ARID4B: variants seen among roughly 807,000 people sequenced by gnomAD.
ARID4B encodes the protein AT-rich interaction domain 4B, also known as AT-rich interactive domain-containing protein 4B.
ARID4B carries 26 observed loss-of-function variants against 147.5 expected under a neutral mutation model. The observed-to-expected ratio is 0.18, with a 90% confidence interval of 0.13 to 0.24. ARID4B has a LOEUF of 0.24. Among genes scored for constraint, ARID4B ranks in the 10% least tolerant of loss-of-function variants. The pLI is 1.00. For missense variants in ARID4B, 1,179 were observed against 1,511.5 expected, an observed-to-expected ratio of 0.78 and a Z score of 3.65; for synonymous variants, 512 against 507.9, an observed-to-expected ratio of 1.01 and a Z score of -0.11.
rs1185596744 is a variant in ARID4B, at chr1:235,236,831, AAAAT to A, written c.586-2343_586-2340del. On this transcript the variant is annotated intron_variant, in intron 8 of 23. Coordinates refer to ENST00000264183, the MANE Select transcript of ARID4B (RefSeq NM_016374.6). ...CCTGGCCCACAAAACGGTTTTATAA[AAAAT>A]ATATATATATATATATATATATATA... Among the ~76,000 whole-genome samples the A allele has an allele frequency of 6.4e-3, 175 of 27,500 alleles. 21 individuals carry two copies. The highest frequency in any genetic ancestry group is 0.015 in the African/African-American group (89 of 6,104). 18.0% of individuals were successfully genotyped at this position (27,500 alleles called of 152,430 possible).
intron 11 of ARID4B, 32 bp from the exon 12 acceptor site, chr1:235,224,807 T>C: frequency 7.1e-7 from 1 of 1,418,262 alleles, no homozygotes; most frequent in Non-Finnish European, 9.8e-7. Context: ...TATTATTTTC[T>C]TCAATTAAGC....
chr1:235,224,565 C>T, intron 12 of ARID4B, 138 bp downstream of exon 12: 1 of 658,152 alleles, frequency 1.5e-6, no homozygotes, highest in Non-Finnish European at 2.7e-6. Flanking sequence ...ATGCTAGGTG[C>T]TGGTGATATC....
intron 6 of ARID4B, among the ~76,000 whole-genome samples, chr1:235,250,611 T>A (rs534086241): frequency 1.1e-4 from 16 of 152,300 alleles, no homozygotes; most frequent in African/African-American, 3.4e-4. Context: ...CAAAGATAAG[T>A]TCCATGTTTA....
chr1:235,182,035 C>G lies in ARID4B; in HGVS notation c.2884G>C (p.Glu962Gln). The change falls in exon 20 of 24, where the codon GAG becomes CAG. Residue 962 changes from glutamate (E) to glutamine (Q), a missense_variant. Physicochemically the swap from Glu to Gln is conservative, Grantham distance 29. This residue lies in a region of ARID4B where 357 missense variants were observed against 427.3 expected (regional missense o/e 0.84). Transcript: ENST00000264183. ...TGCAGTGACTCCTCTGCCACCCCCT[C>G]CTCTGGGGCAGGATGCGGTGGGGAA... ...AASPPHPAPEEGVAEESLQTV... is the reference protein window; with the variant it reads ...AASPPHPAPEQGVAEESLQTV... 1 of 1,614,162 alleles carries G rather than the reference C, an allele frequency of 6.2e-7. No individual in the cohort carries two copies.
intron 2 of ARID4B, among the ~76,000 whole-genome samples, chr1:235,292,731 T>C (rs924388154): frequency 1.3e-5 from 2 of 152,092 alleles, no homozygotes; most frequent in African/African-American, 4.8e-5. Flanking sequence ...GTAAAACTCA[T>C]CCAGAATATG....
chr1:235,179,003 T>C (rs920910994), intron 20 of ARID4B, among the ~76,000 whole-genome samples: 8 of 152,194 alleles, frequency 5.3e-5, no homozygotes, highest in Non-Finnish European at 7.3e-5. Context: ...AAAGGAGACG[T>C]AGATATTGAC....
chr1:235,169,516 C>T (rs1663179851), intron 23 of ARID4B, among the ~76,000 whole-genome samples: 1 of 151,570 alleles, frequency 6.6e-6, no homozygotes, highest in Non-Finnish European at 1.5e-5. Flanking sequence ...GCCGGGATTA[C>T]AGGTGTGAGC....
In ARID4B at chr1:235,219,804, T is replaced by C. The variant is rs751317423; in HGVS notation, c.1572A>G (p.Lys524=). Residue 524 remains lysine (K), a synonymous_variant, in exon 16 of 24, where the codon AAA becomes AAG. Transcript: ENST00000264183. ...LNIKVEAEEE[K]AKSGDETNKE... is the part of the protein sequence containing the mutation. Reference sequence around the variant, plus strand: ...AACAATTTTCTTACCCAGATTTTGCTTTTTCTTCCTCAGCTTCTACCTTTA... The same window carrying C: ...AACAATTTTCTTACCCAGATTTTGCCTTTTCTTCCTCAGCTTCTACCTTTA... The C allele has an allele frequency of 1.9e-6, 3 of 1,597,140 alleles. No individual in the cohort carries two copies. Among genetic ancestry groups the C allele is most frequent in the Non-Finnish European group, 2.6e-6 (3 of 1,176,120 alleles).
intron 2 of ARID4B, among the ~76,000 whole-genome samples, chr1:235,263,017 T>C (rs534807995): frequency 4.6e-5 from 7 of 152,320 alleles, no homozygotes; most frequent in African/African-American, 9.6e-5. Context: ...TCAGTTCACT[T>C]TGTGGTTCAA....
At chr1:235,228,310 T>TTC (rs1491552498) in intron 11 of ARID4B, 22 of 129,456 alleles carry the variant, frequency 1.7e-4, no homozygotes, top group African/African-American at 7.1e-4. Flanking sequence ...TTTTTTTTTT[T>TTC]AATAAGACAG....
chr1:235,199,892 G>T (rs1665768554), intron 17 of ARID4B, among the ~76,000 whole-genome samples: 1 of 150,948 alleles, frequency 6.6e-6, no homozygotes, highest in South Asian at 2.1e-4. Flanking sequence ...AACTATAACT[G>T]ATCATTGCTT....
chr1:235,308,349 C>T (rs560232287), intron 2 of ARID4B, among the ~76,000 whole-genome samples: 6 of 151,822 alleles, frequency 4.0e-5, no homozygotes, highest in Non-Finnish European at 7.4e-5. Flanking sequence ...TCAAGTGATT[C>T]GCCCACCTTG....
chr1:235,264,507 C>T (rs1670479484), intron 2 of ARID4B, among the ~76,000 whole-genome samples: 1 of 152,130 alleles, frequency 6.6e-6, no homozygotes, highest in African/African-American at 2.4e-5. Context: ...AGGCAAGGTC[C>T]TAATCCAAGC....
intron 2 of ARID4B, among the ~76,000 whole-genome samples, chr1:235,316,652 G>C (rs1041930612): frequency 6.6e-6 from 1 of 151,630 alleles, no homozygotes; most frequent in Non-Finnish European, 1.5e-5. Context: ...AACCTCGTCT[G>C]TACTAAAAAT....
chr1:235,168,212 C>T lies in ARID4B; in HGVS notation c.*313G>A. 3.9e-6 allele frequency: 1 copy of T among 257,782 alleles called. No homozygotes were observed. Among genetic ancestry groups the T allele is most frequent in the East Asian group, 5.9e-5 (1 of 17,032 alleles). 16.0% of individuals were successfully genotyped at this position (257,782 alleles called of 1,614,324 possible). ...TAAGTTATCTTAACATGTTCTGACC[C>T]ACCCCTTAACTATGCTTACTGTATT... is the stretch of plus-strand genomic sequence containing the variant. On this transcript the variant is annotated 3_prime_UTR_variant, in exon 24 of 24. Coordinates refer to ENST00000264183, the MANE Select transcript of ARID4B (RefSeq NM_016374.6).
At chr1:235,188,399 A>G (rs1207614677) in intron 19 of ARID4B, among the ~76,000 whole-genome samples, 1 of 152,166 alleles carries the variant, frequency 6.6e-6, no homozygotes, top group Non-Finnish European at 1.5e-5. Context: ...TGAAAATTAA[A>G]AAGGGCAGTG....
rs1284116569 is a variant in ARID4B, at chr1:235,236,135, CG to C, written c.586-1644del. ...GTTACTAAAACACTTTGAATTTACT[CG>C]ATTTATAAAAATAACATAAATTAGA... On this transcript the variant is annotated intron_variant, in intron 8 of 23. Coordinates refer to ENST00000264183, the MANE Select transcript of ARID4B (RefSeq NM_016374.6). Among the ~76,000 whole-genome samples, 4 of 151,788 alleles carry C rather than the reference CG, an allele frequency of 2.6e-5. No individual in the cohort carries two copies. The East Asian group carries it at 7.8e-4, about 29-fold the overall frequency.
At chr1:235,219,158 C>G (rs549528481) in intron 16 of ARID4B, among the ~76,000 whole-genome samples, 1 of 152,176 alleles carries the variant, frequency 6.6e-6, no homozygotes, top group East Asian at 1.9e-4. Flanking sequence ...AACCACCGCA[C>G]CTGGCCTGCT....
At chr1:235,322,937 G>A (rs1466471380) in intron 2 of ARID4B, among the ~76,000 whole-genome samples, 5 of 151,838 alleles carry the variant, frequency 3.3e-5, no homozygotes, top group African/African-American at 9.7e-5. Context: ...AAGGGAATTT[G>A]TAATCAATCC....
Sources: gnomAD v4.1 joint callset for allele counts (sites outside exome capture counted in the v4.1 genomes callset) on GRCh38, gnomAD v4.1.1 for gene constraint, gnomAD v4.1.1 regional missense constraint, MANE v1.5 for transcripts, NCBI Gene and HGNC (gene_info 2026-07-23, HGNC 2026-07-21) for gene names.